The following OPCML variants were observed in gnomAD, a reference collection of about 807,000 sequenced individuals.
The protein encoded by OPCML is opioid-binding protein/cell adhesion molecule.
A neutral mutation model predicts 37.8 loss-of-function variants in OPCML; 13 were observed. The observed-to-expected ratio is 0.34, with a 90% CI of 0.22 to 0.55. OPCML has a LOEUF of 0.55. OPCML is among the 20% of genes least tolerant of loss of function. The probability of loss-of-function intolerance (pLI) is 0.91; values close to 1 mark genes in which losing one functional copy is unlikely to be tolerated. For synonymous variants in OPCML, 176 were observed against 168.8 expected (o/e 1.04, Z -0.33); for missense variants, 341 against 435.6 (o/e 0.78, Z 1.93).
At chr11:133,164,565 T>C (rs1950184553) in intron 1 of OPCML, among the ~76,000 whole-genome samples, 2 of 152,220 alleles carry the variant, frequency 1.3e-5, no homozygotes. Flanking sequence ...TTCATTTCTC[T>C]AAGCCTCATT....
intron 1 of OPCML, among the ~76,000 whole-genome samples, chr11:133,424,507 G>A (rs1462927736): frequency 6.6e-6 from 1 of 151,904 alleles, no homozygotes; most frequent in Non-Finnish European, 1.5e-5. Context: ...CACTTAGCTT[G>A]GAGAGAATTT....
Position 133,406,401 on chromosome 11 carries a change from G to A in OPCML, c.61+125863C>T, listed in dbSNP as rs139238347. ...GAGAATAAGAACCAGGCAGAGACCA[G>A]AAAAGATAGAGAAAAGAGAAACTGT... is the stretch of plus-strand genomic sequence containing the variant. On this transcript the variant is annotated intron_variant, in intron 1 of 7. Transcript: ENST00000524381. 2.2e-3 allele frequency among the ~76,000 whole-genome samples: 335 copies of A among 152,256 alleles called. 2 individuals are homozygous for A. The highest frequency in any genetic ancestry group is 3.9e-3 in the South Asian group (19 of 4,818).
chr11:132,946,461 A>C (rs568200090), intron 1 of OPCML, among the ~76,000 whole-genome samples: 2 of 152,342 alleles, frequency 1.3e-5, no homozygotes, highest in Non-Finnish European at 2.9e-5. Flanking sequence ...GCAGCATAGT[A>C]GGGTTTGTTT....
chr11:133,359,160 T>C (rs1944359156), intron 1 of OPCML, among the ~76,000 whole-genome samples: 1 of 152,210 alleles, frequency 6.6e-6, no homozygotes, highest in Non-Finnish European at 1.5e-5. Context: ...CTATTCCCTA[T>C]AAAATAAACT....
intron 3 of OPCML, among the ~76,000 whole-genome samples, chr11:132,545,015 C>T (rs2096365730): frequency 6.6e-6 from 1 of 152,200 alleles, no homozygotes; most frequent in Non-Finnish European, 1.5e-5. Flanking sequence ...TAATTTGATT[C>T]ATCTCCAAAT....
intron 1 of OPCML, among the ~76,000 whole-genome samples, chr11:133,477,577 A>G (rs763373798): frequency 6.6e-6 from 1 of 152,154 alleles, no homozygotes; most frequent in Non-Finnish European, 1.5e-5. Flanking sequence ...CTTTTAGAGT[A>G]GAGGTGGACA....
chr11:133,193,531 T>C (rs889087757), intron 1 of OPCML, among the ~76,000 whole-genome samples: 14 of 152,134 alleles, frequency 9.2e-5, no homozygotes, highest in African/African-American at 3.4e-4. Flanking sequence ...ACAAAGACAA[T>C]ATTTTCCAGG....
chr11:132,711,539 A>T (rs1944262921), intron 2 of OPCML, among the ~76,000 whole-genome samples: 1 of 152,206 alleles, frequency 6.6e-6, no homozygotes, highest in African/African-American at 2.4e-5. Flanking sequence ...GAGGAAACTT[A>T]GGCTGGGCGA....
At chr11:132,905,225 CTTTTTTTTTTT>C (rs373679886) in intron 2 of OPCML, among the ~76,000 whole-genome samples, 52 of 88,366 alleles carry the variant, frequency 5.9e-4, no homozygotes, top group African/African-American at 1.3e-3. Flanking sequence ...GAAAGCAGTT[CTTTTTTTTTTT>C]TTTTTTTTTT....
chr11:133,089,896 T>G (rs1441738439), intron 1 of OPCML, among the ~76,000 whole-genome samples: 1 of 152,218 alleles, frequency 6.6e-6, no homozygotes, highest in Non-Finnish European at 1.5e-5. Flanking sequence ...GCCACGTACT[T>G]TGGCACTGTT....
chr11:133,452,182 A>G (rs921926330), intron 1 of OPCML, among the ~76,000 whole-genome samples: 2 of 151,666 alleles, frequency 1.3e-5, no homozygotes, highest in South Asian at 2.1e-4. Flanking sequence ...GACAACTCAG[A>G]TGATGGAATC....
intron 1 of OPCML, among the ~76,000 whole-genome samples, chr11:133,074,087 G>A (rs749412106): frequency 3.9e-5 from 6 of 152,288 alleles, no homozygotes; most frequent in East Asian, 1.9e-4. Flanking sequence ...GAGATAGCTC[G>A]TTCAATCTTT....
At chr11:133,413,974 G>T (rs946420101) in intron 1 of OPCML, among the ~76,000 whole-genome samples, 5 of 152,162 alleles carry the variant, frequency 3.3e-5, no homozygotes, top group African/African-American at 1.2e-4. Context: ...AAGCAAGAGG[G>T]AATGTTCCCT....
chr11:132,497,875 G>A (rs927531411), intron 4 of OPCML, among the ~76,000 whole-genome samples: 1 of 152,094 alleles, frequency 6.6e-6, no homozygotes, highest in African/African-American at 2.4e-5. Context: ...GCTACACTCT[G>A]TACTTTTTTA....
chr11:133,169,696 G>A (rs966879813), intron 1 of OPCML, among the ~76,000 whole-genome samples: 2 of 152,140 alleles, frequency 1.3e-5, no homozygotes, highest in Admixed American at 1.3e-4. Flanking sequence ...GTTGACAGGT[G>A]GATCAGTGGA....
intron 3 of OPCML, 91 bp from the exon 4 acceptor site, chr11:132,529,277 T>C: frequency 1.4e-6 from 2 of 1,451,886 alleles, no homozygotes; most frequent in South Asian, 3.0e-5. Context: ...ATAGCATGTT[T>C]TTATAATAAA....
chr11:133,353,498 G>T (rs1452781517), intron 1 of OPCML, among the ~76,000 whole-genome samples: 1 of 152,098 alleles, frequency 6.6e-6, no homozygotes, highest in East Asian at 1.9e-4. Context: ...TTAGGGATGA[G>T]GGGGAGCATC....
chr11:133,360,158 C>T (rs1277567880), intron 1 of OPCML: 1 of 152,220 alleles, frequency 6.6e-6, no homozygotes, highest in Non-Finnish European at 1.5e-5. Flanking sequence ...GGGTTATCCA[C>T]ATCAGGAAAC....
chr11:133,306,878 A>G (rs141532761), intron 1 of OPCML, among the ~76,000 whole-genome samples: 1 of 152,338 alleles, frequency 6.6e-6, no homozygotes, highest in Non-Finnish European at 1.5e-5. Context: ...ATCCTTAACC[A>G]AGACACATAC....
Sources: allele counts gnomAD v4.1 joint callset (sites outside exome capture counted in the v4.1 genomes callset), GRCh38; gene constraint gnomAD v4.1.1; transcripts MANE v1.5; gene names NCBI Gene and HGNC (gene_info 2026-07-23, HGNC 2026-07-21).